EGFLAM: variants seen among roughly 807,000 people sequenced by gnomAD.
EGFLAM encodes EGF like, fibronectin type III and laminin G domains, also known as pikachurin.
Under a neutral mutation model 113.1 loss-of-function variants are expected in EGFLAM, and 79 were observed. That is an observed-to-expected ratio of 0.70 (90% CI 0.58 to 0.84). The LOEUF (loss-of-function observed/expected upper bound fraction) is 0.84, where lower values mean the gene tolerates loss of function less well. EGFLAM is among the 40% of genes least tolerant of loss of function. The probability of loss-of-function intolerance (pLI) is 0.00; values close to 1 mark genes in which losing one functional copy is unlikely to be tolerated. For synonymous variants in EGFLAM, 504 were observed against 487.6 expected (o/e 1.03, Z -0.44); for missense variants, 1,265 against 1,291.6 (o/e 0.98, Z 0.32).
intron 6 of EGFLAM, among the ~76,000 whole-genome samples, chr5:38,385,391 T>C (rs1211090622): frequency 6.6e-6 from 1 of 151,244 alleles, no homozygotes; most frequent in Non-Finnish European, 1.5e-5. Context: ...CTCTCCTGTA[T>C]CCTTTAAATA....
In EGFLAM at chr5:38,461,514, A is replaced by AT. The variant is rs1025955847; in HGVS notation, c.2772-1383dup. On this transcript the variant is annotated intron_variant, in intron 20 of 21. Transcript: ENST00000322350. The stretch of plus-strand genomic sequence containing the variant: ...AAAATGGAATATTTTAGAGTAATTA[A>AT]TTTTTTTTTTTAAAGGCAGGGCAAG... Among the ~76,000 whole-genome samples the AT allele has an allele frequency of 4.2e-4, 62 of 149,186 alleles. 1 individual carries two copies. Among genetic ancestry groups the AT allele is most frequent in the Admixed American group, 8.7e-4 (13 of 14,962 alleles).
intron 14 of EGFLAM, among the ~76,000 whole-genome samples, chr5:38,430,955 C>A (rs945771388): frequency 2.0e-5 from 3 of 152,272 alleles, no homozygotes; most frequent in South Asian, 4.1e-4. Flanking sequence ...GCACTTCCCC[C>A]CTCCTCTTCC....
intron 6 of EGFLAM, among the ~76,000 whole-genome samples, chr5:38,391,087 T>G (rs1372304327): frequency 6.6e-6 from 1 of 152,166 alleles, no homozygotes; most frequent in Admixed American, 6.5e-5. Flanking sequence ...AGGCAATATC[T>G]TATATTTTAT....
chr5:38,266,965 C>G (rs1757648461), intron 1 of EGFLAM, among the ~76,000 whole-genome samples: 1 of 152,156 alleles, frequency 6.6e-6, no homozygotes, highest in Non-Finnish European at 1.5e-5. Context: ...TTGATGTTTC[C>G]TCAGCTGGAA....
chr5:38,463,107 A>C, intron 21 of EGFLAM, 96 bp downstream of exon 21: 1 of 1,152,344 alleles, frequency 8.7e-7, no homozygotes, highest in Non-Finnish European at 1.2e-6. Flanking sequence ...TTGCTGGATC[A>C]AATACCTGTA....
chr5:38,465,355 A>C lies in EGFLAM; in HGVS notation c.*1369A>C, dbSNP rs1227798643. Among the ~76,000 whole-genome samples the C allele has an allele frequency of 1.3e-5, 2 of 152,262 alleles. No individual in the cohort carries two copies. Among genetic ancestry groups the C allele is most frequent in the Non-Finnish European group, 1.5e-5 (1 of 68,040 alleles). On this transcript the variant is annotated 3_prime_UTR_variant, in exon 22 of 22. Transcript: ENST00000322350. Reference sequence around the variant, plus strand: ...CTAACTTATGCAAGAGCCTATAATTAGTCCCAGTCTCGACTCTACATTTGT... The same window carrying C: ...CTAACTTATGCAAGAGCCTATAATTCGTCCCAGTCTCGACTCTACATTTGT...
intron 1 of EGFLAM, among the ~76,000 whole-genome samples, chr5:38,334,059 G>A (rs1470733319): frequency 6.6e-6 from 1 of 151,606 alleles, no homozygotes; most frequent in African/African-American, 2.4e-5. Context: ...AAGTAGCTGG[G>A]ATTACAGACT....
At chr5:38,455,521 C>T (rs915529291) in intron 19 of EGFLAM, among the ~76,000 whole-genome samples, 1 of 152,160 alleles carries the variant, frequency 6.6e-6, no homozygotes, top group African/African-American at 2.4e-5. Context: ...ATGTCCACCA[C>T]CCAAAAATGC....
At chr5:38,433,995 C>T (rs1742267591) in intron 15 of EGFLAM, among the ~76,000 whole-genome samples, 1 of 152,222 alleles carries the variant, frequency 6.6e-6, no homozygotes, top group East Asian at 1.9e-4. Context: ...CATGACTCGC[C>T]TGTCTTGTCT....
intron 15 of EGFLAM, among the ~76,000 whole-genome samples, chr5:38,433,251 C>T (rs960113795): frequency 6.6e-6 from 1 of 152,168 alleles, no homozygotes; most frequent in Non-Finnish European, 1.5e-5. Context: ...AGCCTGTGTG[C>T]AGACTAAACC....
At chr5:38,328,883 T>C (rs959393698) in intron 1 of EGFLAM, among the ~76,000 whole-genome samples, 1 of 152,118 alleles carries the variant, frequency 6.6e-6, no homozygotes, top group Non-Finnish European at 1.5e-5. Flanking sequence ...GAATTTTTTC[T>C]TTTGTAATTT....
At chr5:38,417,367 A>AC (rs1741684137) in intron 11 of EGFLAM, among the ~76,000 whole-genome samples, 1 of 149,660 alleles carries the variant, frequency 6.7e-6, no homozygotes, top group African/African-American at 2.5e-5. Context: ...AAAAAAAAAA[A>AC]AACAAAAAAA....
chr5:38,364,524 T>A (rs1344658233), intron 5 of EGFLAM, among the ~76,000 whole-genome samples: 1 of 151,962 alleles, frequency 6.6e-6, no homozygotes, highest in Non-Finnish European at 1.5e-5. Context: ...GAGAGATGGG[T>A]CGGTGAGGGT....
intron 20 of EGFLAM, chr5:38,460,790 C>A (rs1411195744): frequency 6.6e-6 from 1 of 152,210 alleles, no homozygotes; most frequent in Non-Finnish European, 1.5e-5. Context: ...GAGCAGATAC[C>A]TTAATTCTCT....
At chr5:38,432,491 G>T (rs1255726332) in intron 15 of EGFLAM, among the ~76,000 whole-genome samples, 3 of 150,940 alleles carry the variant, frequency 2.0e-5, no homozygotes, top group Non-Finnish European at 4.4e-5. Flanking sequence ...GAGGAAGGGT[G>T]GGGGCAGGGA....
intron 1 of EGFLAM, among the ~76,000 whole-genome samples, chr5:38,290,172 C>A (rs1175360313): frequency 6.6e-6 from 1 of 152,156 alleles, no homozygotes; most frequent in Non-Finnish European, 1.5e-5. Context: ...ATGAGTGAGT[C>A]ACCACTGTGA....
Position 38,337,512 on chromosome 5 carries a change from G to T in EGFLAM, c.98-8G>T. On this transcript the variant is annotated splice_polypyrimidine_tract_variant and splice_region_variant and intron_variant, in intron 1 of 21. Coordinates refer to ENST00000322350, the MANE Select transcript of EGFLAM (RefSeq NM_152403.4). ...GCCTCTAACACAATCTCTTTTGTTT[G>T]GGGGCAGGCAAGGTAGGGCCTCCTC... 2 of 1,587,034 alleles carry T rather than the reference G, an allele frequency of 1.3e-6. No individual in the cohort carries two copies. The highest frequency in any genetic ancestry group is 2.3e-5 in the South Asian group (2 of 87,320).
At chr5:38,375,783 G>A (rs974913216) in intron 6 of EGFLAM, among the ~76,000 whole-genome samples, 15 of 152,104 alleles carry the variant, frequency 9.9e-5, no homozygotes, top group African/African-American at 3.6e-4. Flanking sequence ...TGGTTCCACT[G>A]CAATGTTGAG....
intron 12 of EGFLAM, among the ~76,000 whole-genome samples, chr5:38,419,709 G>A (rs1741766275): frequency 6.6e-6 from 1 of 152,138 alleles, no homozygotes; most frequent in African/African-American, 2.4e-5. Context: ...TGAAGTAGGT[G>A]CTATCATTAG....
Sources: gnomAD v4.1 joint callset for allele counts (sites outside exome capture counted in the v4.1 genomes callset) on GRCh38, gnomAD v4.1.1 for gene constraint, MANE v1.5 for transcripts, NCBI Gene and HGNC (gene_info 2026-07-23, HGNC 2026-07-21) for gene names.